The following RFX3 variants were observed in gnomAD, a reference collection of about 807,000 sequenced individuals.
RFX3 encodes regulatory factor X3.
In RFX3, 14 loss-of-function variants were observed where a neutral mutation model predicts 98.6. That is an observed-to-expected ratio of 0.14 (90% CI 0.09 to 0.22). The LOEUF (loss-of-function observed/expected upper bound fraction) is 0.22. Ranked by LOEUF, RFX3 falls within the 10% of genes least tolerant of loss-of-function variation. RFX3 has a pLI of 1.00. For missense variants in RFX3, 639 were observed against 926.9 expected (o/e 0.69, Z 4.03); for synonymous variants, 383 against 328.4 (o/e 1.17, Z -1.80).
chr9:3,396,783 G>A (rs573032161), intron 1 of RFX3, among the ~76,000 whole-genome samples: 3 of 152,156 alleles, frequency 2.0e-5, no homozygotes, highest in Non-Finnish European at 4.4e-5. Flanking sequence ...GCATTTCTCT[G>A]ATCGCCAGTG....
chr9:3,408,232 T>C (rs1842132909), intron 1 of RFX3, among the ~76,000 whole-genome samples: 1 of 152,140 alleles, frequency 6.6e-6, no homozygotes, highest in Non-Finnish European at 1.5e-5. Flanking sequence ...CTAATGGCAC[T>C]GCAATCAAGG....
chr9:3,476,011 A>C (rs1849215918), intron 1 of RFX3, among the ~76,000 whole-genome samples: 1 of 152,210 alleles, frequency 6.6e-6, no homozygotes, highest in South Asian at 2.1e-4. Context: ...CAGGCATGAC[A>C]GACGGCTCAC....
At chr9:3,402,333 G>A (rs1028715770) in intron 1 of RFX3, among the ~76,000 whole-genome samples, 4 of 152,070 alleles carry the variant, frequency 2.6e-5, no homozygotes, top group African/African-American at 7.2e-5. Context: ...ACAAAGACCT[G>A]TAATTTAATT....
chr9:3,343,104 C>T (rs1040787726), intron 3 of RFX3, among the ~76,000 whole-genome samples: 4 of 152,134 alleles, frequency 2.6e-5, no homozygotes, highest in African/African-American at 9.7e-5. Context: ...TTAGTATCAT[C>T]AAATTATAAT....
At chr9:3,375,959 C>T (rs75977663) in intron 2 of RFX3, among the ~76,000 whole-genome samples, 1 of 149,680 alleles carries the variant, frequency 6.7e-6, no homozygotes, top group South Asian at 2.1e-4. Context: ...GACTCCATCT[C>T]CAAAAAAAAA....
intron 1 of RFX3, among the ~76,000 whole-genome samples, chr9:3,423,507 C>A (rs938572465): frequency 6.6e-6 from 1 of 151,904 alleles, no homozygotes; most frequent in South Asian, 2.1e-4. Context: ...CAACATTGGG[C>A]TGAGCAAAAG....
chr9:3,417,439 C>T (rs1843078931), intron 1 of RFX3, among the ~76,000 whole-genome samples: 1 of 151,958 alleles, frequency 6.6e-6, no homozygotes, highest in African/African-American at 2.4e-5. Context: ...AAACAAATCT[C>T]AATGAATTTT....
At chr9:3,412,675 T>A (rs536872184) in intron 1 of RFX3, among the ~76,000 whole-genome samples, 1 of 152,252 alleles carries the variant, frequency 6.6e-6, no homozygotes, top group East Asian at 1.9e-4. Flanking sequence ...ATCACCTGGC[T>A]TAAAATAATA....
At chr9:3,493,380 C>G (rs534976890) in intron 1 of RFX3, among the ~76,000 whole-genome samples, 1 of 152,072 alleles carries the variant, frequency 6.6e-6, no homozygotes, top group Non-Finnish European at 1.5e-5. Flanking sequence ...AACACGTGAT[C>G]CATTTTTAAA....
intron 2 of RFX3, among the ~76,000 whole-genome samples, chr9:3,352,957 A>G (rs1371082772): frequency 6.6e-6 from 1 of 152,046 alleles, no homozygotes; most frequent in African/African-American, 2.4e-5. Context: ...CAAATGTCCA[A>G]CAATGATAGA....
intron 1 of RFX3, among the ~76,000 whole-genome samples, chr9:3,518,038 ATC>A (rs1818342852): frequency 6.6e-6 from 1 of 152,214 alleles, no homozygotes; most frequent in African/African-American, 2.4e-5. Context: ...ACAAATACTT[ATC>A]TCTGAGTTAC....
intron 1 of RFX3, among the ~76,000 whole-genome samples, chr9:3,399,838 A>C (rs904507593): frequency 3.3e-5 from 5 of 151,366 alleles, no homozygotes; most frequent in African/African-American, 4.9e-5. Flanking sequence ...AATCCCAGCT[A>C]CTCAGGAGGC....
At chr9:3,506,014 A>G (rs1435584607) in intron 1 of RFX3, among the ~76,000 whole-genome samples, 1 of 151,834 alleles carries the variant, frequency 6.6e-6, no homozygotes, top group African/African-American at 2.4e-5. Context: ...TGAATGAAAT[A>G]ATTTTTAAAA....
At chr9:3,280,842 T>C (rs1222499517) in intron 7 of RFX3, among the ~76,000 whole-genome samples, 2 of 151,740 alleles carry the variant, frequency 1.3e-5, no homozygotes, top group South Asian at 4.1e-4. Flanking sequence ...CAGGAGCCTG[T>C]TGGTCCCAAA....
At chr9:3,412,396 T>G (rs1211509186) in intron 1 of RFX3, among the ~76,000 whole-genome samples, 2 of 152,150 alleles carry the variant, frequency 1.3e-5, no homozygotes, top group African/African-American at 4.8e-5. Context: ...GCTCTTAAGT[T>G]GACTCAAAGA....
chr9:3,517,208 T>C (rs1158110680), intron 1 of RFX3, among the ~76,000 whole-genome samples: 1 of 152,204 alleles, frequency 6.6e-6, no homozygotes, highest in African/African-American at 2.4e-5. Flanking sequence ...AGAAATCCCA[T>C]AGCCCTATTG....
chr9:3,454,099 C>T lies in RFX3; in HGVS notation c.-8-58503G>A, dbSNP rs147937099. On this transcript the variant is annotated intron_variant, in intron 1 of 16. Transcript: ENST00000617270. ...ATGTGAATAAATAATGTTACCTACACGCACTCTTTGCTATGAATTAGGAAT... is the reference window on the plus strand; with the variant it reads ...ATGTGAATAAATAATGTTACCTACATGCACTCTTTGCTATGAATTAGGAAT... Among the ~76,000 whole-genome samples the T allele has an allele frequency of 6.8e-4, 103 of 152,236 alleles. No homozygotes were observed. The Middle Eastern group carries it at 0.014, about 20-fold the overall frequency.
chr9:3,453,134 C>G (rs1158082219), intron 1 of RFX3, among the ~76,000 whole-genome samples: 1 of 152,050 alleles, frequency 6.6e-6, no homozygotes, highest in Non-Finnish European at 1.5e-5. Flanking sequence ...AGCCTAGTGA[C>G]AGGCCCATCT....
intron 1 of RFX3, among the ~76,000 whole-genome samples, chr9:3,494,741 T>G (rs1357554855): frequency 6.6e-6 from 1 of 152,134 alleles, no homozygotes; most frequent in Non-Finnish European, 1.5e-5. Flanking sequence ...CTGGTGTACA[T>G]TTTTATAAAA....
Sources: allele counts gnomAD v4.1 joint callset (sites outside exome capture counted in the v4.1 genomes callset), GRCh38; gene constraint gnomAD v4.1.1; transcripts MANE v1.5; gene names NCBI Gene and HGNC (gene_info 2026-07-23, HGNC 2026-07-21).